Variants in MLX observed in about 807,000 individuals in gnomAD.
The protein encoded by MLX is max-like protein X.
A neutral mutation model predicts 33.0 loss-of-function variants in MLX; 15 were observed. That is an observed-to-expected ratio of 0.45 (90% CI 0.30 to 0.70). The LOEUF (loss-of-function observed/expected upper bound fraction) is 0.70. Among genes scored for constraint, MLX ranks in the 30% least tolerant of loss-of-function variants. The pLI is 0.07. For missense variants in MLX, 285 were observed against 306.3 expected (o/e 0.93, Z 0.52); for synonymous variants, 115 against 115.6 (o/e 0.99, Z 0.03).
Position 42,572,942 on chromosome 17 carries a change from C to A in MLX, c.*1339C>A. 2 of 1,612,850 alleles carry A rather than the reference C, an allele frequency of 1.2e-6. No individual in the cohort carries two copies. Among genetic ancestry groups the A allele is most frequent in the South Asian group, 1.1e-5 (1 of 91,012 alleles). On this transcript the variant is annotated 3_prime_UTR_variant, in exon 8 of 8. Coordinates refer to ENST00000435881, the MANE Select transcript of MLX (RefSeq NM_198204.2). ...TCTCACTCTTCTGACATCCTGCAGT[C>A]CCCACCAGTCCTGACCGTGGGCCCC...
In MLX at chr17:42,569,307, T is replaced by C. The variant is rs534039548; in HGVS notation, c.376+4T>C. 7 of 1,613,180 alleles carry C rather than the reference T, an allele frequency of 4.3e-6. No homozygotes were observed. The Admixed American group carries it at 6.7e-5, about 15-fold the overall frequency. On this transcript the variant is annotated splice_donor_region_variant and intron_variant, in intron 5 of 7. Coordinates refer to ENST00000435881, the MANE Select transcript of MLX (RefSeq NM_198204.2). The stretch of plus-strand genomic sequence containing the variant: ...AAAGCCATCGTTCTACAAAAGAGTA[T>C]GGCTAGGGAAAGCACTGGAGGGGAT...
chr17:42,567,185 C>G lies in MLX; in HGVS notation c.42+19C>G, dbSNP rs2093011359. 1 of 1,291,026 alleles carries G rather than the reference C, an allele frequency of 7.7e-7. No individual in the cohort carries two copies. Among genetic ancestry groups the G allele is most frequent in the Non-Finnish European group, 9.8e-7 (1 of 1,017,626 alleles). 80.0% of individuals were successfully genotyped at this position (1,291,026 alleles called of 1,614,324 possible). ...GGTCAAGGCAAGCCCCGTGGGCGCGCACGCCGGCGAGGGGAGGGCGGGTCG... is the reference window on the plus strand; with the variant it reads ...GGTCAAGGCAAGCCCCGTGGGCGCGGACGCCGGCGAGGGGAGGGCGGGTCG... On this transcript the variant is annotated intron_variant, in intron 1 of 7. Transcript: ENST00000435881.
chr17:42,568,700 C>T, intron 3 of MLX, 137 bp from the exon 4 acceptor site: 2 of 1,071,910 alleles, frequency 1.9e-6, no homozygotes, highest in Non-Finnish European at 2.8e-6. Flanking sequence ...CCATCTTTCA[C>T]CTCATCTGGA....
Position 42,571,504 on chromosome 17 carries a change from T to C in MLX, c.679-43T>C, listed in dbSNP as rs756668346. The stretch of plus-strand genomic sequence containing the variant: ...AGGCATCTTGGAAACTACTCTGCGT[T>C]GACTTGGGCATTGTCTATTTCTTCC... On this transcript the variant is annotated intron_variant, in intron 7 of 7. Coordinates refer to ENST00000435881, the MANE Select transcript of MLX (RefSeq NM_198204.2). 4 of 1,604,210 alleles carry C rather than the reference T, an allele frequency of 2.5e-6. No homozygotes were observed. The South Asian group carries it at 4.4e-5, about 18-fold the overall frequency.
At position 42,569,696 on chromosome 17, in the gene MLX, C is replaced by T. The variant is rs973719682; in HGVS notation, c.476+90C>T. The stretch of plus-strand genomic sequence containing the variant: ...TGTTCAAAGGCCACATCAGTTACTG[C>T]TGTACAGATAATACTCTTAGTTCCT... On this transcript the variant is annotated intron_variant, in intron 6 of 7. Transcript: ENST00000435881. 16 of 996,942 alleles carry T rather than the reference C, an allele frequency of 1.6e-5. No homozygotes were observed. In the African/African-American group the frequency reaches 2.2e-4, roughly 14 times the overall value. The allele number at this position is 996,942 out of a possible 1,614,324, so 61.8% of individuals were successfully genotyped here.
Position 42,570,050 on chromosome 17 carries a change from A to C in MLX, c.545A>C (p.Gln182Pro). Reference sequence around the variant, plus strand: ...GAAGGGGAGGACCAGGTCTCTGACCAGGTCAAGTTCAACGTGTTTCAAGGC... The same window carrying C: ...GAAGGGGAGGACCAGGTCTCTGACCCGGTCAAGTTCAACGTGTTTCAAGGC... ...PHEGEDQVSD[Q>P]VKFNVFQGIM... Residue 182 changes from glutamine to proline, a missense_variant, in exon 7 of 8, where the codon CAG becomes CCG. By Grantham distance (76) the Gln-to-Pro change is moderately conservative (BLOSUM62 -1). Transcript: ENST00000435881. 1 of 1,614,170 alleles carries C rather than the reference A, an allele frequency of 6.2e-7. No individual in the cohort carries two copies. The highest frequency in any genetic ancestry group is 8.5e-7 in the Non-Finnish European group (1 of 1,180,012).
chr17:42,569,210 TATG>T lies in MLX; in HGVS notation c.288_290del (p.Asp97del), dbSNP rs1406867184. 6.2e-7 allele frequency: 1 copy of T among 1,614,038 alleles called. No homozygotes were observed. Among genetic ancestry groups the T allele is most frequent in the East Asian group, 2.2e-5 (1 of 44,882 alleles). ...TCCCCTGCTGTTTCCACAGAGAGGCTATGATGACCTTCAGACCATCGTCCCCAC... is the reference window on the plus strand; with the variant it reads ...TCCCCTGCTGTTTCCACAGAGAGGCTATGACCTTCAGACCATCGTCCCCAC... On this transcript the variant is annotated inframe_deletion, in exon 5 of 8. Coordinates refer to ENST00000435881, the MANE Select transcript of MLX (RefSeq NM_198204.2).
chr17:42,571,453 T>C, intron 7 of MLX, 94 bp from the exon 8 acceptor site: 1 of 1,403,084 alleles, frequency 7.1e-7, no homozygotes. Context: ...TAAAGCACTT[T>C]TCTAAAGTAC....
At chr17:42,568,376 T>C in intron 2 of MLX, 94 bp from the exon 3 acceptor site, 1 of 831,210 alleles carries the variant, frequency 1.2e-6, no homozygotes, top group Non-Finnish European at 1.9e-6. Flanking sequence ...AAAAAATAAA[T>C]AAATAAAAGA....
At chr17:42,570,688 T>C (rs1048826133) in intron 7 of MLX, among the ~76,000 whole-genome samples, 1 of 152,128 alleles carries the variant, frequency 6.6e-6, no homozygotes, top group African/African-American at 2.4e-5. Context: ...GGGAGTCTCG[T>C]TCTGTCGCCC....
intron 5 of MLX, 100 bp downstream of exon 5, chr17:42,569,403 G>A: frequency 2.7e-6 from 4 of 1,501,296 alleles, no homozygotes; most frequent in Non-Finnish European, 3.7e-6. Flanking sequence ...TGTGGTGATT[G>A]CCATGGGATA....
chr17:42,572,235 C>T lies in MLX; in HGVS notation c.*632C>T, dbSNP rs1597721098. On this transcript the variant is annotated 3_prime_UTR_variant, in exon 8 of 8. Coordinates refer to ENST00000435881, the MANE Select transcript of MLX (RefSeq NM_198204.2). Reference sequence around the variant, plus strand: ...TATTCCATCACCTTCCTCCTCTGCTCTGGGTGGTAAGGGAAGCCCTCCCGG... The same window carrying T: ...TATTCCATCACCTTCCTCCTCTGCTTTGGGTGGTAAGGGAAGCCCTCCCGG... The T allele has an allele frequency of 2.5e-6, 1 of 393,440 alleles. No individual in the cohort carries two copies. The highest frequency in any genetic ancestry group is 5.1e-6 in the Non-Finnish European group (1 of 197,634). The allele number at this position is 393,440 out of a possible 1,614,324, so 24.4% of individuals were successfully genotyped here.
chr17:42,567,593 G>C, intron 1 of MLX, 26 bp from the exon 2 acceptor site: 1 of 1,613,888 alleles, frequency 6.2e-7, no homozygotes, highest in Non-Finnish European at 8.5e-7. Flanking sequence ...AGGTCTGACG[G>C]GCCCTTCCCG....
intron 2 of MLX, 50 bp from the exon 3 acceptor site, chr17:42,568,420 G>A: frequency 7.5e-7 from 1 of 1,340,636 alleles, no homozygotes; most frequent in South Asian, 1.2e-5. Flanking sequence ...CTGAGGGTCT[G>A]GCAATGTTCC....
chr17:42,571,075 A>T (rs1378659252), intron 7 of MLX, among the ~76,000 whole-genome samples: 2 of 151,694 alleles, frequency 1.3e-5, no homozygotes, highest in African/African-American at 4.9e-5. Flanking sequence ...CTATATTTCC[A>T]TCTCTCCATC....
intron 7 of MLX, 148 bp downstream of exon 7, chr17:42,570,331 TTTC>T: frequency 1.4e-6 from 1 of 723,900 alleles, no homozygotes; most frequent in Non-Finnish European, 2.3e-6. Context: ...TATTTTCCCT[TTTC>T]TTTGCTGTCT....
At position 42,569,579 on chromosome 17, in the gene MLX, A is replaced by T; in HGVS notation, c.449A>T (p.Asp150Val). 6.2e-7 allele frequency: 1 copy of T among 1,614,130 alleles called. No homozygotes were observed. Among genetic ancestry groups the T allele is most frequent in the Non-Finnish European group, 8.5e-7 (1 of 1,180,002 alleles). Residue 150 changes from aspartate (D) to valine (V), a missense_variant, in exon 6 of 8, where the codon GAT (aspartate) becomes GTT (valine). Asp to Val is a radical substitution (Grantham distance 152). Transcript: ENST00000435881. ...GAGGAGGTGTCCACGTTACGCAAGG[A>T]TGTCACCGCCCTAAAGATCATGAAA... Reference protein sequence around the residue: ...QEEEVSTLRKDVTALKIMKVN... With the variant: ...QEEEVSTLRKVVTALKIMKVN...
Position 42,572,921 on chromosome 17 carries a change from A to C in MLX, c.*1318A>C. ...CAAGGTAGCCAGTGCAAGACATCTC[A>C]CTCTTCTGACATCCTGCAGTCCCCA... On this transcript the variant is annotated 3_prime_UTR_variant, in exon 8 of 8. Transcript: ENST00000435881. 1 of 1,601,330 alleles carries C rather than the reference A, an allele frequency of 6.2e-7. No homozygotes were observed. The highest frequency in any genetic ancestry group is 8.5e-7 in the Non-Finnish European group (1 of 1,169,804).
Position 42,571,793 on chromosome 17 carries a change from C to A in MLX, c.*190C>A. On this transcript the variant is annotated 3_prime_UTR_variant, in exon 8 of 8. Coordinates refer to ENST00000435881, the MANE Select transcript of MLX (RefSeq NM_198204.2). ...CGCGGTGTTTGTTTTGTGAAAGCTTCTGATTAATTTATTATATTGACGATA... is the reference window on the plus strand; with the variant it reads ...CGCGGTGTTTGTTTTGTGAAAGCTTATGATTAATTTATTATATTGACGATA... 1 of 607,400 alleles carries A rather than the reference C, an allele frequency of 1.6e-6. No individual in the cohort carries two copies. The allele number at this position is 607,400 out of a possible 1,614,324, so 37.6% of individuals were successfully genotyped here.
Sources: gnomAD v4.1 joint callset for allele counts (sites outside exome capture counted in the v4.1 genomes callset) on GRCh38, gnomAD v4.1.1 for gene constraint, MANE v1.5 for transcripts, NCBI Gene and HGNC (gene_info 2026-07-23, HGNC 2026-07-21) for gene names.